MYO9A: variants seen among roughly 807,000 people sequenced by gnomAD.
MYO9A encodes myosin IXA, also known as unconventional myosin-IXa.
MYO9A carries 103 observed loss-of-function variants against 293.3 expected under a neutral mutation model. The observed-to-expected ratio is 0.35, with a 90% confidence interval of 0.30 to 0.41. The LOEUF (loss-of-function observed/expected upper bound fraction) is 0.41. Ranked by LOEUF, MYO9A falls within the 10% of genes least tolerant of loss-of-function variation. The pLI is 1.00. For synonymous variants in MYO9A, 1,001 were observed against 1,035.7 expected (o/e 0.97, Z 0.64); for missense variants, 2,685 against 3,033.0 (o/e 0.89, Z 2.69).
chr15:71,976,128 A>C (rs1301452405), intron 12 of MYO9A, among the ~76,000 whole-genome samples: 2 of 152,070 alleles, frequency 1.3e-5, no homozygotes, highest in Non-Finnish European at 2.9e-5. Context: ...TGAGCCCTCG[A>C]TCTGTGGGAT....
intron 15 of MYO9A, among the ~76,000 whole-genome samples, chr15:71,948,959 G>A (rs1460667622): frequency 6.9e-6 from 1 of 144,594 alleles, no homozygotes; most frequent in Non-Finnish European, 1.5e-5. Flanking sequence ...TGTGAGGGGG[G>A]GGGATGTGAC....
At chr15:71,949,987 T>C (rs998431888) in intron 15 of MYO9A, among the ~76,000 whole-genome samples, 2 of 152,190 alleles carry the variant, frequency 1.3e-5, no homozygotes, top group African/African-American at 2.4e-5. Flanking sequence ...CTACTTTTGG[T>C]CTTTTTCCAG....
chr15:71,865,148 A>C (rs967063663), intron 32 of MYO9A, among the ~76,000 whole-genome samples: 1 of 152,156 alleles, frequency 6.6e-6, no homozygotes, highest in Admixed American at 6.5e-5. Context: ...TTTATAACTG[A>C]CCTCATTAGA....
In MYO9A at chr15:71,904,019, A is replaced by G. The variant is rs143033820; in HGVS notation, c.2787T>C (p.Asp929=). 3.2e-4 allele frequency: 509 copies of G among 1,613,952 alleles called. 1 individual carries two copies. The African/African-American group carries it at 5.9e-3, about 19-fold the overall frequency. The change falls in exon 21 of 42, where the codon GAT becomes GAC. Residue 929 remains aspartate, a synonymous_variant. Coordinates refer to ENST00000356056, the MANE Select transcript of MYO9A (RefSeq NM_006901.4). ...ATCGAAGCTGTCTAAGTACCAAGAC[A>G]TCACTGAACCTTAAGGGCAGCTAAA... ...NAEKLPLRFS[D]VLVLRQLRYT...
chr15:71,917,419 C>T (rs1007588098), intron 18 of MYO9A, among the ~76,000 whole-genome samples: 29 of 152,132 alleles, frequency 1.9e-4, no homozygotes, highest in African/African-American at 6.5e-4. Flanking sequence ...CCTGTAGTCC[C>T]AGCTACTCGG....
chr15:72,000,946 T>C (rs1247058846), intron 8 of MYO9A, among the ~76,000 whole-genome samples: 4 of 152,248 alleles, frequency 2.6e-5, no homozygotes, highest in African/African-American at 7.2e-5. Flanking sequence ...ATGAATATTG[T>C]TGCACATGAG....
rs757090014 is a variant in MYO9A, at chr15:72,082,995, T to C, written c.-72+34685A>G. 2.8e-4 allele frequency among the ~76,000 whole-genome samples: 43 copies of C among 151,706 alleles called. 1 individual carries two copies. The highest frequency in any genetic ancestry group is 6.2e-4 in the Non-Finnish European group (42 of 67,930). On this transcript the variant is annotated intron_variant, in intron 1 of 41. Transcript: ENST00000356056. ...CTGGCCTGCAATTTTTTTTGTTGTG[T>C]CTCTGCTAGGTTTTGATATCAGGAT...
chr15:72,101,694 G>T (rs71372205), intron 1 of MYO9A, among the ~76,000 whole-genome samples: 1 of 141,010 alleles, frequency 7.1e-6, no homozygotes, highest in Non-Finnish European at 1.5e-5. Context: ...GAGGTGGGGG[G>T]GGTCAGCCCC....
At chr15:72,107,088 AAGG>A (rs566918182) in intron 1 of MYO9A, among the ~76,000 whole-genome samples, 15 of 152,318 alleles carry the variant, frequency 9.8e-5, no homozygotes, top group African/African-American at 3.4e-4. Context: ...AACAAACTAA[AAGG>A]AGGAGGAGGA....
At chr15:71,964,716 G>C (rs1054495374) in intron 13 of MYO9A, among the ~76,000 whole-genome samples, 1 of 152,086 alleles carries the variant, frequency 6.6e-6, no homozygotes, top group Non-Finnish European at 1.5e-5. Context: ...GAACCCGGGA[G>C]GCAGAGGTTG....
At chr15:72,061,094 C>T (rs912904231) in intron 1 of MYO9A, among the ~76,000 whole-genome samples, 2 of 152,156 alleles carry the variant, frequency 1.3e-5, no homozygotes, top group African/African-American at 4.8e-5. Flanking sequence ...GAACCAGCTG[C>T]TATGAAAGGA....
intron 38 of MYO9A, among the ~76,000 whole-genome samples, chr15:71,849,396 C>A (rs2055536475): frequency 6.6e-6 from 1 of 151,972 alleles, no homozygotes; most frequent in South Asian, 2.1e-4. Context: ...TTGCAGTGAG[C>A]CAAGATCATG....
chr15:71,977,528 C>G (rs1433545515), intron 12 of MYO9A, among the ~76,000 whole-genome samples: 1 of 152,114 alleles, frequency 6.6e-6, no homozygotes, highest in Admixed American at 6.5e-5. Context: ...TAAGCCACCA[C>G]GTTTGGCCTA....
intron 1 of MYO9A, among the ~76,000 whole-genome samples, chr15:72,050,276 A>C (rs1369682243): frequency 1.3e-5 from 2 of 152,132 alleles, no homozygotes; most frequent in Non-Finnish European, 2.9e-5. Context: ...AATCCGAGAC[A>C]TGAGCTTTCA....
At chr15:72,110,758 TCA>T (rs1220711584) in intron 1 of MYO9A, among the ~76,000 whole-genome samples, 4 of 152,194 alleles carry the variant, frequency 2.6e-5, no homozygotes, top group African/African-American at 9.6e-5. Flanking sequence ...CTGAAAAAAA[TCA>T]CACTTGAAAG....
chr15:71,903,671 G>A (rs1279653554), intron 21 of MYO9A, among the ~76,000 whole-genome samples: 1 of 152,208 alleles, frequency 6.6e-6, no homozygotes, highest in African/African-American at 2.4e-5. Context: ...TATATCAGGA[G>A]TAAATTTAGT....
intron 6 of MYO9A, among the ~76,000 whole-genome samples, chr15:72,016,730 G>C (rs1220407251): frequency 6.6e-6 from 1 of 152,084 alleles, no homozygotes; most frequent in Non-Finnish European, 1.5e-5. Flanking sequence ...TAGATTTTAA[G>C]ACACAATAAA....
chr15:72,034,474 G>C (rs559132567), intron 2 of MYO9A, among the ~76,000 whole-genome samples: 1 of 152,132 alleles, frequency 6.6e-6, no homozygotes, highest in African/African-American at 2.4e-5. Context: ...AGATTATACT[G>C]TATCTTAGTA....
rs1256901443 is a variant in MYO9A at position 72,066,086 on chromosome 15, TAAG to T, written c.-71-19455_-71-19453del. Among the ~76,000 whole-genome samples the T allele has an allele frequency of 2.0e-5, 3 of 152,180 alleles. No homozygotes were observed. In the South Asian group the frequency reaches 6.2e-4, roughly 31 times the overall value. Reference sequence around the variant, plus strand: ...GTCCCATCTGGCCTACTGGTGCACATAAGAAGATGAGATACACACAGCAGAGCT... The same window carrying T: ...GTCCCATCTGGCCTACTGGTGCACATAAGATGAGATACACACAGCAGAGCT... On this transcript the variant is annotated intron_variant, in intron 1 of 41. Coordinates refer to ENST00000356056, the MANE Select transcript of MYO9A (RefSeq NM_006901.4).
Sources: allele counts gnomAD v4.1 joint callset (sites outside exome capture counted in the v4.1 genomes callset), GRCh38; gene constraint gnomAD v4.1.1; transcripts MANE v1.5; gene names NCBI Gene and HGNC (gene_info 2026-07-23, HGNC 2026-07-21).